Variants in GPR143 observed in about 807,000 individuals in gnomAD.
The protein encoded by GPR143 is G protein-coupled receptor 143.
A neutral mutation model predicts 27.6 loss-of-function variants in GPR143; 8 were observed. The observed-to-expected ratio is 0.29, with a 90% CI of 0.17 to 0.52. GPR143 has a LOEUF of 0.52. Ranked by LOEUF, GPR143 falls within the 20% of genes least tolerant of loss-of-function variation. The pLI, the probability that GPR143 is intolerant of heterozygous loss-of-function variation, is 0.96. For missense variants in GPR143, 303 were observed against 343.1 expected, an observed-to-expected ratio of 0.88 and a Z score of 0.92; for synonymous variants, 156 against 153.2, an observed-to-expected ratio of 1.02 and a Z score of -0.13.
intron 3 of GPR143, among the ~76,000 whole-genome samples, chrX:9,758,603 T>G (rs769534658): frequency 8.9e-6 from 1 of 111,896 alleles, no homozygotes; most frequent in African/African-American, 3.3e-5. Flanking sequence ...TAATAAAAAA[T>G]TGTTTATGCA....
intron 3 of GPR143, among the ~76,000 whole-genome samples, chrX:9,758,613 A>G (rs927586152): frequency 2.7e-5 from 3 of 112,399 alleles, no homozygotes; most frequent in Non-Finnish European, 5.6e-5. Flanking sequence ...TTGTTTATGC[A>G]GTGGCTTATG....
At chrX:9,737,143 T>A (rs1187442328) in intron 8 of GPR143, among the ~76,000 whole-genome samples, 1 of 111,207 alleles carries the variant, frequency 9.0e-6, no homozygotes, top group Non-Finnish European at 1.9e-5. Flanking sequence ...TAAAATAAAT[T>A]TTAAAAACAC....
intron 1 of GPR143, among the ~76,000 whole-genome samples, chrX:9,773,663 C>T (rs959780624): frequency 4.5e-5 from 5 of 110,564 alleles, no homozygotes; most frequent in Non-Finnish European, 9.5e-5. Flanking sequence ...ACTTGAGCTC[C>T]GGAGTTCAAG....
rs763993299 is a variant in GPR143, at chrX:9,736,105, C to T, written c.1120+3380G>A. On this transcript the variant is annotated intron_variant, in intron 8 of 8. Coordinates refer to ENST00000467482, the MANE Select transcript of GPR143 (RefSeq NM_000273.3). ...AATCGGAATGACACCTGCGTTTCCCCCGCCACTGACAGAAGGGAAGCACAT... is the reference window on the plus strand; with the variant it reads ...AATCGGAATGACACCTGCGTTTCCCTCGCCACTGACAGAAGGGAAGCACAT... 2.7e-5 allele frequency among the ~76,000 whole-genome samples: 3 copies of T among 110,753 alleles called. No individual in the cohort carries two copies. The East Asian group carries it at 8.6e-4, about 32-fold the overall frequency.
At chrX:9,755,075 G>A (rs763755817) in intron 3 of GPR143, among the ~76,000 whole-genome samples, 6 of 111,467 alleles carry the variant, frequency 5.4e-5, no homozygotes, top group African/African-American at 1.3e-4. Context: ...CTGCATGCTC[G>A]GCTCACAGAG....
intron 1 of GPR143, among the ~76,000 whole-genome samples, chrX:9,761,441 C>T (rs1023575926): frequency 1.8e-5 from 2 of 112,326 alleles, no homozygotes; most frequent in Non-Finnish European, 3.8e-5. Flanking sequence ...GGCACTTTAA[C>T]GCAAACCATA....
At chrX:9,763,475 C>T (rs925582522) in intron 1 of GPR143, among the ~76,000 whole-genome samples, 1 of 110,737 alleles carries the variant, frequency 9.0e-6, no homozygotes, top group African/African-American at 3.3e-5. Context: ...GAGACCCTGT[C>T]TCAAAAATAA....
intron 8 of GPR143, among the ~76,000 whole-genome samples, chrX:9,731,783 G>T (rs1030870989): frequency 1.1e-5 from 1 of 92,681 alleles, no homozygotes; most frequent in African/African-American, 3.9e-5. Flanking sequence ...GGAATTGTGG[G>T]CAATATAAGG....
chrX:9,758,626 T>C (rs1052510830), intron 3 of GPR143, among the ~76,000 whole-genome samples: 1 of 112,501 alleles, frequency 8.9e-6, no homozygotes, highest in Non-Finnish European at 1.9e-5. Context: ...GGCTTATGCC[T>C]GTAATCCCAG....
At chrX:9,749,317 T>G (rs2146692381) in intron 3 of GPR143, among the ~76,000 whole-genome samples, 1 of 105,731 alleles carries the variant, frequency 9.5e-6, no homozygotes, top group African/African-American at 3.5e-5. Context: ...CGATTGTAAG[T>G]TTCCTGAGAC....
At chrX:9,775,504 C>T (rs1326500690) in intron 1 of GPR143, among the ~76,000 whole-genome samples, 1 of 111,732 alleles carries the variant, frequency 8.9e-6, no homozygotes, top group Non-Finnish European at 1.9e-5. Context: ...CACCTCCACC[C>T]CTGTGGCTCC....
At chrX:9,726,346 T>A (rs904250164) in intron 8 of GPR143, among the ~76,000 whole-genome samples, 2 of 111,265 alleles carry the variant, frequency 1.8e-5, no homozygotes, top group Non-Finnish European at 3.8e-5. Context: ...AACTATGCCA[T>A]CTCCCAATTG....
chrX:9,745,746 G>A (rs73472090), intron 5 of GPR143, among the ~76,000 whole-genome samples: 6,916 of 111,301 alleles, frequency 0.062, 543 homozygotes, highest in African/African-American at 0.21. Flanking sequence ...CTCCACAGTC[G>A]TCCAAGGGCA....
intron 7 of GPR143, chrX:9,740,965 G>T (rs761826799): frequency 1.9e-4 from 56 of 293,793 alleles, no homozygotes; most frequent in Admixed American, 8.0e-4. Flanking sequence ...TAAGGATCCC[G>T]ACAACAAACA....
chrX:9,766,903 TCACACACACACACACACACACACACACA>T (rs58553907), upstream of GPR143, among the ~76,000 whole-genome samples: 8 of 86,915 alleles, frequency 9.2e-5, no homozygotes, highest in South Asian at 6.5e-4. Flanking sequence ...TCTCTCTCTC[TCACACACACACACACACACACACACACA>T]CACACACACA....
rs1373800656 is a variant in GPR143, at chrX:9,765,660, C to T, written c.158G>A (p.Arg53Gln). Reference sequence around the variant, plus strand: ...CGCGGGGGACCCGGGGCCCGCGGGCCGGCGGCCGGGCAGCAGCTGCAGAAG... The same window carrying T: ...CGCGGGGGACCCGGGGCCCGCGGGCTGGCGGCCGGGCAGCAGCTGCAGAAG... Reference protein sequence around the residue: ...LGLLQLLPGRRPAGPGSPATS... With the variant: ...LGLLQLLPGRQPAGPGSPATS... Residue 53 changes from arginine (R) to glutamine (Q), a missense_variant, in exon 1 of 9, where the codon CGG becomes CAG. Coordinates refer to ENST00000467482, the MANE Select transcript of GPR143 (RefSeq NM_000273.3). 6 of 991,078 alleles carry T rather than the reference C, an allele frequency of 6.1e-6. No homozygotes were observed. The highest frequency in any genetic ancestry group is 4.0e-5 in the African/African-American group (2 of 49,473). 81.7% of individuals were successfully genotyped at this position (991,078 alleles called of 1,213,427 possible).
At chrX:9,747,130 G>T (rs1269289054) in intron 4 of GPR143, among the ~76,000 whole-genome samples, 2 of 109,147 alleles carry the variant, frequency 1.8e-5, no homozygotes, top group Admixed American at 2.0e-4. Context: ...TTAACAGGCG[G>T]TTTTATCTTT....
chrX:9,743,470 C>A, intron 6 of GPR143, 95 bp downstream of exon 6: 3 of 566,458 alleles, frequency 5.3e-6, no homozygotes, highest in Non-Finnish European at 9.5e-6. Flanking sequence ...AGGCTCTTCC[C>A]TTTGGAACTT....
upstream of GPR143, chrX:9,765,947 A>G (rs2083531202): frequency 4.5e-6 from 3 of 666,024 alleles, no homozygotes; most frequent in African/African-American, 6.9e-5. Flanking sequence ...CAGCGCCTGC[A>G]GTAGAGCCAG....
Sources: allele counts gnomAD v4.1 joint callset (sites outside exome capture counted in the v4.1 genomes callset), GRCh38; gene constraint gnomAD v4.1.1; transcripts MANE v1.5; gene names NCBI Gene and HGNC (gene_info 2026-07-23, HGNC 2026-07-21).